Variants in PTCH1 observed in about 807,000 individuals in gnomAD.
PTCH1 encodes protein patched homolog 1.
Under a neutral mutation model 144.6 loss-of-function variants are expected in PTCH1, and 14 were observed. The ratio of observed to expected loss-of-function variants is 0.10; its 90% CI spans 0.06 to 0.15. The LOEUF (loss-of-function observed/expected upper bound fraction) is 0.15, where lower values mean the gene tolerates loss of function less well. Ranked by LOEUF, PTCH1 falls within the 10% of genes least tolerant of loss-of-function variation. The probability of loss-of-function intolerance (pLI) is 1.00; values close to 1 mark genes in which losing one functional copy is unlikely to be tolerated. For missense variants in PTCH1, 1,623 were observed against 1,948.3 expected (o/e 0.83, Z 3.14); for synonymous variants, 833 against 793.6 (o/e 1.05, Z -0.83).
chr9:95,508,310 TGCCGCCGCC>T lies in PTCH1; in HGVS notation c.43_51del (p.Gly15_Gly17del), dbSNP rs756897237. ...CGTCCCGGGGCACCGATACAGCCGC[TGCCGCCGCC>T]GCCGCGGTCCTGGGGCTCGGCGGCG... is the stretch of plus-strand genomic sequence containing the variant. On this transcript the variant is annotated inframe_deletion, in exon 1 of 24. Coordinates refer to ENST00000331920, the MANE Select transcript of PTCH1 (RefSeq NM_000264.5). The T allele has an allele frequency of 1.0e-4, 146 of 1,399,428 alleles. 1 individual carries two copies. Among genetic ancestry groups the T allele is most frequent in the Middle Eastern group, 5.2e-4 (2 of 3,826 alleles). 86.7% of individuals were successfully genotyped at this position (1,399,428 alleles called of 1,614,324 possible).
At chr9:95,457,900 A>G in intron 18 of PTCH1, 113 bp downstream of exon 18, 1 of 1,397,458 alleles carries the variant, frequency 7.2e-7, no homozygotes, top group Non-Finnish European at 1.0e-6. Context: ...ATTACGGATG[A>G]TGCAAGCTAT....
intron 14 of PTCH1, among the ~76,000 whole-genome samples, chr9:95,467,752 C>T (rs1246831296): frequency 6.6e-6 from 1 of 151,976 alleles, no homozygotes; most frequent in Non-Finnish European, 1.5e-5. Flanking sequence ...TACAGGTGTG[C>T]ACCACCACGC....
chr9:95,478,942 T>A, intron 8 of PTCH1, 58 bp downstream of exon 8: 1 of 1,610,910 alleles, frequency 6.2e-7, no homozygotes, highest in Non-Finnish European at 8.5e-7. Context: ...TAAATAATGG[T>A]GAAAATGAAG....
intron 16 of PTCH1, among the ~76,000 whole-genome samples, chr9:95,460,233 G>A (rs1230114973): frequency 3.3e-5 from 5 of 152,194 alleles, no homozygotes; most frequent in African/African-American, 1.2e-4. Context: ...AACAACATCT[G>A]TATAAATTTT....
intron 2 of PTCH1, among the ~76,000 whole-genome samples, chr9:95,488,167 T>C (rs556936191): frequency 1.3e-5 from 2 of 152,356 alleles, no homozygotes; most frequent in South Asian, 2.1e-4. Context: ...CTACAAGATA[T>C]AAAATGTACC....
In PTCH1 at chr9:95,508,505, T is replaced by C. The variant is rs1336208916; in HGVS notation, c.-144A>G. The C allele has an allele frequency of 2.9e-6, 3 of 1,018,356 alleles. No homozygotes were observed. The highest frequency in any genetic ancestry group is 3.5e-6 in the Non-Finnish European group (3 of 851,394). 63.1% of individuals were successfully genotyped at this position (1,018,356 alleles called of 1,614,324 possible). ...GGCCGCAGGCTGCTCGGGCTCGGGCTCCGGTTGACAGACCAGCCGCTGCTG... is the reference window on the plus strand; with the variant it reads ...GGCCGCAGGCTGCTCGGGCTCGGGCCCCGGTTGACAGACCAGCCGCTGCTG... On this transcript the variant is annotated 5_prime_UTR_variant, in exon 1 of 24. Transcript: ENST00000331920.
At position 95,505,712 on chromosome 9, in the gene PTCH1, C is replaced by T. The variant is rs376825542; in HGVS notation, c.394+695G>A. On this transcript the variant is annotated intron_variant, in intron 2 of 23. Transcript: ENST00000331920. ...CCCCCACCCGCGAGGAAACATTAAT[C>T]TACTTTGCAAACATGCGTTCCAGTC... Among the ~76,000 whole-genome samples the T allele has an allele frequency of 2.0e-5, 3 of 151,466 alleles. No individual in the cohort carries two copies. In the East Asian group the frequency reaches 5.8e-4, roughly 29 times the overall value.
intron 2 of PTCH1, among the ~76,000 whole-genome samples, chr9:95,503,777 G>A (rs1353070120): frequency 1.7e-5 from 1 of 58,118 alleles, no homozygotes; most frequent in Non-Finnish European, 3.4e-5. Context: ...AGCACTTTGG[G>A]AGGCCGAGGC....
chr9:95,449,752 G>A lies in PTCH1; in HGVS notation c.3549+89C>T, dbSNP rs1406649406. The A allele has an allele frequency of 5.9e-6, 7 of 1,194,088 alleles. No homozygotes were observed. The highest frequency in any genetic ancestry group is 2.4e-5 in the East Asian group (1 of 40,828). 74.0% of individuals were successfully genotyped at this position (1,194,088 alleles called of 1,614,324 possible). A position where few individuals can be genotyped will look rare whatever the true frequency, so the allele number is the denominator to read the frequency against. ...TACTGAAGAACCACCAGCAAGTGGG[G>A]AGGCACCTAAGTATCGAAGTGAAGA... On this transcript the variant is annotated intron_variant, in intron 21 of 23. Transcript: ENST00000331920. This position sits in a 1 kb window ranked among gnomAD's most constrained non-coding sequence, Gnocchi z 5.3.
At position 95,467,258 on chromosome 9, in the gene PTCH1, G is replaced by A. The variant is rs2117960961; in HGVS notation, c.2418C>T (p.Val806=). ...KYFSFYNMYI[V]TQKADYPNIQ... The stretch of plus-strand genomic sequence containing the variant: ...TATTCGGGTAGTCTGCTTTCTGGGT[G>A]ACTATATACATGTTGTAGAAAGAAA... The change falls in exon 15 of 24, where the codon GTC becomes GTT. Residue 806 remains valine (V), a synonymous_variant. Transcript: ENST00000331920. The A allele has an allele frequency of 6.2e-7, 1 of 1,614,200 alleles. No homozygotes were observed. The highest frequency in any genetic ancestry group is 2.2e-5 in the East Asian group (1 of 44,882).
Position 95,508,193 on chromosome 9 carries a change from C to A in PTCH1, c.169G>T (p.Asp57Tyr). 1 of 1,612,670 alleles carries A rather than the reference C, an allele frequency of 6.2e-7. No individual in the cohort carries two copies. Among genetic ancestry groups the A allele is most frequent in the Non-Finnish European group, 8.5e-7 (1 of 1,179,790 alleles). The change falls in exon 1 of 24, where the codon GAC (aspartate) becomes TAC (tyrosine). Residue 57 changes from aspartate (D) to tyrosine (Y), a missense_variant. By Grantham distance (160) the Asp-to-Tyr change is radical. Transcript: ENST00000331920. The stretch of plus-strand genomic sequence containing the variant: ...ATCTGCTCCAGAGCGAAGGCGGCGT[C>A]GCAGTAGCTGGGCCGGTGCAGATAG... ...RDYLHRPSYC[D>Y]AAFALEQISK...
chr9:95,475,197 G>A (rs558803207), intron 12 of PTCH1, among the ~76,000 whole-genome samples: 5 of 152,114 alleles, frequency 3.3e-5, no homozygotes, highest in South Asian at 2.1e-4. Flanking sequence ...GGCGCAGAAC[G>A]GACTACAGCT....
chr9:95,468,648 T>C, intron 14 of PTCH1, 103 bp downstream of exon 14: 2 of 1,498,208 alleles, frequency 1.3e-6, no homozygotes, highest in Non-Finnish European at 1.8e-6. Context: ...CGAAATTTTT[T>C]TTTTTTTAAG....
At chr9:95,497,130 G>A (rs1374969437) in intron 2 of PTCH1, among the ~76,000 whole-genome samples, 2 of 152,208 alleles carry the variant, frequency 1.3e-5, no homozygotes, top group African/African-American at 4.8e-5. Context: ...CAACAATTCC[G>A]CAAATTCAAA....
chr9:95,456,584 G>C (rs1280113707), intron 18 of PTCH1, among the ~76,000 whole-genome samples, 171 bp from the exon 19 acceptor site: 2 of 152,180 alleles, frequency 1.3e-5, no homozygotes, highest in Non-Finnish European at 2.9e-5. Context: ...CTTCCCGCTG[G>C]GAAGGGAGAC....
At chr9:95,511,317 C>G (rs1844151114), upstream of PTCH1, among the ~76,000 whole-genome samples, 1 of 152,086 alleles carries the variant, frequency 6.6e-6, no homozygotes, top group African/African-American at 2.4e-5. Context: ...CTCCCTCCCT[C>G]AATCTCCCCT....
At chr9:95,479,250 C>A in intron 7 of PTCH1, 103 bp from the exon 8 acceptor site, 2 of 1,444,620 alleles carry the variant, frequency 1.4e-6, no homozygotes, top group Non-Finnish European at 9.7e-7. Flanking sequence ...GGCTGCAATT[C>A]TTTTCCTTCT....
intron 15 of PTCH1, among the ~76,000 whole-genome samples, chr9:95,462,932 CG>C (rs1839632088): frequency 6.6e-6 from 1 of 152,162 alleles, no homozygotes; most frequent in Admixed American, 6.5e-5. Flanking sequence ...AACAGGGCCC[CG>C]GTGACCCGGC....
Position 95,449,798 on chromosome 9 carries a change from T to G in PTCH1, c.3549+43A>C, listed in dbSNP as rs1463042017. On this transcript the variant is annotated intron_variant, in intron 21 of 23. Transcript: ENST00000331920. This position sits in a 1 kb window ranked among gnomAD's most constrained non-coding sequence, Gnocchi z 5.3. ...GAAGAGCGGCACAGGAAACACAGCA[T>G]TCAGCCGGCCTACACGTGGGACATC... 2 of 1,540,140 alleles carry G rather than the reference T, an allele frequency of 1.3e-6. No individual in the cohort carries two copies. Among genetic ancestry groups the G allele is most frequent in the Non-Finnish European group, 1.8e-6 (2 of 1,114,104 alleles).
Sources: gnomAD v4.1 joint callset for allele counts (sites outside exome capture counted in the v4.1 genomes callset) on GRCh38, gnomAD v4.1.1 for gene constraint, Gnocchi (gnomAD v3.1) non-coding constraint, MANE v1.5 for transcripts, NCBI Gene and HGNC (gene_info 2026-07-23, HGNC 2026-07-21) for gene names.